The following DYNC1LI2 variants were observed in gnomAD, a reference collection of about 807,000 sequenced individuals.
The protein encoded by DYNC1LI2 is dynein cytoplasmic 1 light intermediate chain 2.
DYNC1LI2 carries 19 observed loss-of-function variants against 57.8 expected under a neutral mutation model. That is an observed-to-expected ratio of 0.33 (90% CI 0.23 to 0.48). The LOEUF (loss-of-function observed/expected upper bound fraction) is 0.48. Ranked by LOEUF, DYNC1LI2 falls within the 20% of genes least tolerant of loss-of-function variation. The pLI, the probability that DYNC1LI2 is intolerant of heterozygous loss-of-function variation, is 0.99. For synonymous variants in DYNC1LI2, 256 were observed against 233.4 expected (o/e 1.10, Z -0.88); for missense variants, 470 against 604.2 (o/e 0.78, Z 2.33).
intron 5 of DYNC1LI2, among the ~76,000 whole-genome samples, chr16:66,735,100 GT>G (rs71145936): frequency 2.2e-5 from 3 of 134,828 alleles, no homozygotes; most frequent in Non-Finnish European, 3.2e-5. Flanking sequence ...AACTTTGTTT[GT>G]TTTTTTTTTC....
chr16:66,740,980 T>C (rs968835653), intron 4 of DYNC1LI2, among the ~76,000 whole-genome samples: 18 of 152,210 alleles, frequency 1.2e-4, no homozygotes, highest in Admixed American at 1.0e-3. Context: ...AATGACTAAA[T>C]CACAAAATAA....
At chr16:66,743,705 G>A (rs1178732069) in intron 3 of DYNC1LI2, among the ~76,000 whole-genome samples, 3 of 152,144 alleles carry the variant, frequency 2.0e-5, no homozygotes, top group Non-Finnish European at 4.4e-5. Context: ...AGTGAGCTGT[G>A]CTGAAGAGCC....
chr16:66,728,607 GA>G (rs2017577924), intron 9 of DYNC1LI2, among the ~76,000 whole-genome samples: 1 of 152,154 alleles, frequency 6.6e-6, no homozygotes, highest in South Asian at 2.1e-4. Flanking sequence ...ACAGAAATGG[GA>G]AGTCTGCATT....
At chr16:66,723,862 G>A in intron 12 of DYNC1LI2, 40 bp from the exon 13 acceptor site, 1 of 1,541,656 alleles carries the variant, frequency 6.5e-7, no homozygotes, top group Non-Finnish European at 8.7e-7. Flanking sequence ...GTAATGATGT[G>A]AGAAGAGGAA....
In DYNC1LI2 at chr16:66,727,577, G is replaced by A. The variant is rs1475447239; in HGVS notation, c.1261+111C>T. ...GTAGCCCTTATCGGGGAAGAGAATA[G>A]CCTGGCTTCCATGAGTCTCCACCTT... is the stretch of plus-strand genomic sequence containing the variant. On this transcript the variant is annotated intron_variant, in intron 11 of 12. Transcript: ENST00000258198. The A allele has an allele frequency of 1.0e-5, 10 of 980,070 alleles. No homozygotes were observed. In the East Asian group the frequency reaches 2.5e-4, roughly 24 times the overall value. The allele number at this position is 980,070 out of a possible 1,614,324, so 60.7% of individuals were successfully genotyped here. A position where few individuals can be genotyped will look rare whatever the true frequency, so the allele number is the denominator to read the frequency against.
At chr16:66,732,960 A>G (rs1008507478) in intron 6 of DYNC1LI2, 2 of 152,428 alleles carry the variant, frequency 1.3e-5, no homozygotes, top group African/African-American at 4.8e-5. Context: ...GCCATCCCAA[A>G]AAAGATGGCA....
chr16:66,741,672 G>C (rs1250221757), intron 4 of DYNC1LI2, among the ~76,000 whole-genome samples: 2 of 152,168 alleles, frequency 1.3e-5, no homozygotes, highest in East Asian at 3.9e-4. Context: ...GCCCCGGCCA[G>C]GACGGCTGCT....
In DYNC1LI2 at chr16:66,744,807, G is replaced by A. The variant is rs578092816; in HGVS notation, c.299-2139C>T. 4.6e-5 allele frequency among the ~76,000 whole-genome samples: 7 copies of A among 152,254 alleles called. No homozygotes were observed. In the South Asian group the frequency reaches 8.3e-4, roughly 18 times the overall value. On this transcript the variant is annotated intron_variant, in intron 3 of 12. Transcript: ENST00000258198. ...ACTCCTGACCTCAAGTGATCTGCCC[G>A]CCTCAGCCTCCCAAAGTGCTGGGAT...
At chr16:66,730,267 G>T in intron 7 of DYNC1LI2, 44 bp from the exon 8 acceptor site, 2 of 1,545,264 alleles carry the variant, frequency 1.3e-6, no homozygotes, top group Non-Finnish European at 1.8e-6. Context: ...TCCTGGGGCT[G>T]CCTTAGAGCA....
chr16:66,737,598 C>A (rs2017758400), intron 4 of DYNC1LI2, among the ~76,000 whole-genome samples: 1 of 152,066 alleles, frequency 6.6e-6, no homozygotes, highest in South Asian at 2.1e-4. Context: ...GCTGGTCTTG[C>A]CCAGCACCAG....
intron 12 of DYNC1LI2, among the ~76,000 whole-genome samples, chr16:66,724,468 A>G (rs2017501987): frequency 6.6e-6 from 1 of 152,268 alleles, no homozygotes; most frequent in Admixed American, 6.5e-5. Context: ...GCCCCAAGTG[A>G]TTTCCTGAGG....
At chr16:66,725,784 C>A (rs1203549320) in intron 12 of DYNC1LI2, 44 bp downstream of exon 12, 1 of 1,591,266 alleles carries the variant, frequency 6.3e-7, no homozygotes. Flanking sequence ...CCTTGCAGCA[C>A]TACTCAACCA....
intron 11 of DYNC1LI2, among the ~76,000 whole-genome samples, chr16:66,726,649 T>C (rs2017541049): frequency 6.6e-6 from 1 of 152,164 alleles, no homozygotes; most frequent in East Asian, 1.9e-4. Flanking sequence ...TATTTTTGTT[T>C]GTGTTTTTTT....
At chr16:66,733,471 AGGTG>A (rs1472659648) in intron 6 of DYNC1LI2, 1 of 152,202 alleles carries the variant, frequency 6.6e-6, no homozygotes, top group Non-Finnish European at 1.5e-5. Context: ...GAGGGGGCCG[AGGTG>A]GGTGGATCAC....
intron 4 of DYNC1LI2, among the ~76,000 whole-genome samples, chr16:66,741,523 T>C (rs2017835662): frequency 6.6e-6 from 1 of 152,166 alleles, no homozygotes; most frequent in African/African-American, 2.4e-5. Flanking sequence ...AGAAACTTGA[T>C]TTAAAAAGCG....
chr16:66,749,532 A>G (rs2018002422), intron 2 of DYNC1LI2, among the ~76,000 whole-genome samples: 1 of 152,180 alleles, frequency 6.6e-6, no homozygotes, highest in African/African-American at 2.4e-5. Flanking sequence ...CTAAAATGAC[A>G]TTCTACTGCA....
At chr16:66,728,650 TC>T (rs1175391221) in intron 9 of DYNC1LI2, among the ~76,000 whole-genome samples, 1 of 152,184 alleles carries the variant, frequency 6.6e-6, no homozygotes, top group Non-Finnish European at 1.5e-5. Context: ...GTTACTCTCC[TC>T]ATCTGCAAAA....
chr16:66,736,633 G>A (rs930806155), intron 4 of DYNC1LI2, among the ~76,000 whole-genome samples: 2 of 152,108 alleles, frequency 1.3e-5, no homozygotes, highest in African/African-American at 4.8e-5. Flanking sequence ...AAGTAGCTGG[G>A]ACTAAAGGCA....
In DYNC1LI2 at chr16:66,723,139, T is replaced by TA. The variant is rs2017477258; in HGVS notation, c.*582dup. The TA allele has an allele frequency of 2.9e-6, 1 of 343,772 alleles. No homozygotes were observed. The highest frequency in any genetic ancestry group is 5.8e-6 in the Non-Finnish European group (1 of 172,100). 21.3% of individuals were successfully genotyped at this position (343,772 alleles called of 1,614,324 possible). A position where few individuals can be genotyped will look rare whatever the true frequency, so the allele number is the denominator to read the frequency against. On this transcript the variant is annotated 3_prime_UTR_variant, in exon 13 of 13. Transcript: ENST00000258198. ...AAATAAGCCTAATTCCCATTTTGCT[T>TA]AGTGTTTTGTTTGGAAATGCTTCTA...
Sources: gnomAD v4.1 joint callset for allele counts (sites outside exome capture counted in the v4.1 genomes callset) on GRCh38, gnomAD v4.1.1 for gene constraint, MANE v1.5 for transcripts, NCBI Gene and HGNC (gene_info 2026-07-23, HGNC 2026-07-21) for gene names.